ANKS1B: variants seen among roughly 807,000 people sequenced by gnomAD.
ANKS1B encodes ankyrin repeat and sterile alpha motif domain containing 1B.
A neutral mutation model predicts 148.3 loss-of-function variants in ANKS1B; 36 were observed. The observed-to-expected ratio is 0.24, with a 90% confidence interval of 0.19 to 0.32. The LOEUF (loss-of-function observed/expected upper bound fraction) is 0.32, where lower values mean the gene tolerates loss of function less well. ANKS1B is among the 10% of genes least tolerant of loss of function. ANKS1B has a pLI of 1.00. For synonymous variants in ANKS1B, 542 were observed against 560.8 expected, an observed-to-expected ratio of 0.97 and a Z score of 0.47; for missense variants, 1,157 against 1,542.6, an observed-to-expected ratio of 0.75 and a Z score of 4.19.
At chr12:99,743,353 G>A (rs75909239) in intron 8 of ANKS1B, among the ~76,000 whole-genome samples, 143 of 152,236 alleles carry the variant, frequency 9.4e-4, no homozygotes, top group African/African-American at 3.4e-3. Context: ...ATAATCTAAT[G>A]TAGTCTATTT....
At chr12:98,781,994 G>C (rs1168433308) in intron 23 of ANKS1B, 132 bp downstream of exon 23, 2 of 766,556 alleles carry the variant, frequency 2.6e-6, no homozygotes, top group East Asian at 5.4e-5. Context: ...TCTGCAAAAA[G>C]TTTCTCTATA....
intron 12 of ANKS1B, among the ~76,000 whole-genome samples, chr12:99,299,622 C>A (rs2081344163): frequency 6.6e-6 from 1 of 152,102 alleles, no homozygotes; most frequent in Non-Finnish European, 1.5e-5. Flanking sequence ...AACTATAACA[C>A]CTTAACTTTC....
intron 8 of ANKS1B, among the ~76,000 whole-genome samples, chr12:99,761,205 C>T (rs1301257464): frequency 2.7e-5 from 4 of 150,728 alleles, no homozygotes; most frequent in South Asian, 2.1e-4. Flanking sequence ...CTCATGAAGC[C>T]GCCATCATCC....
chr12:99,395,013 C>A (rs2094199276), intron 12 of ANKS1B, among the ~76,000 whole-genome samples: 1 of 152,070 alleles, frequency 6.6e-6, no homozygotes, highest in Non-Finnish European at 1.5e-5. Context: ...ATCCTTAATT[C>A]TTCTCATTTT....
At chr12:98,776,631 G>C (rs111510825) in intron 24 of ANKS1B, among the ~76,000 whole-genome samples, 2,784 of 152,306 alleles carry the variant, frequency 0.018, 117 homozygotes, top group Admixed American at 0.084. Context: ...GGCGCGTGGT[G>C]ATGAAGTGAT....
intron 15 of ANKS1B, among the ~76,000 whole-genome samples, chr12:99,150,304 C>T (rs2074481275): frequency 6.6e-6 from 1 of 152,152 alleles, no homozygotes; most frequent in Non-Finnish European, 1.5e-5. Flanking sequence ...AGCTTTCAGT[C>T]TAATTGGGGA....
At chr12:99,843,369 A>C (rs574825229) in intron 1 of ANKS1B, among the ~76,000 whole-genome samples, 1 of 152,138 alleles carries the variant, frequency 6.6e-6, no homozygotes, top group East Asian at 1.9e-4. Flanking sequence ...TATTAAGCCC[A>C]GCATCCATTA....
At chr12:99,958,664 T>C (rs1316548379) in intron 1 of ANKS1B, among the ~76,000 whole-genome samples, 1 of 152,126 alleles carries the variant, frequency 6.6e-6, no homozygotes, top group Non-Finnish European at 1.5e-5. Flanking sequence ...GGATTACAGA[T>C]GTAAGCCACT....
chr12:99,443,329 A>C (rs1055451999), intron 11 of ANKS1B, among the ~76,000 whole-genome samples: 1 of 152,106 alleles, frequency 6.6e-6, no homozygotes, highest in East Asian at 1.9e-4. Flanking sequence ...AGAAGAATGA[A>C]GACAAAAGGA....
At chr12:99,298,159 A>T (rs1602557472) in intron 12 of ANKS1B, among the ~76,000 whole-genome samples, 1 of 152,226 alleles carries the variant, frequency 6.6e-6, no homozygotes, top group East Asian at 1.9e-4. Context: ...TATAACAACT[A>T]ATAATTCATG....
intron 1 of ANKS1B, among the ~76,000 whole-genome samples, chr12:99,920,570 T>C (rs2094321205): frequency 6.6e-6 from 1 of 151,984 alleles, no homozygotes; most frequent in Non-Finnish European, 1.5e-5. Flanking sequence ...AGTCCACCAA[T>C]GATTAATTCA....
At chr12:99,469,690 G>C (rs1459642152) in intron 10 of ANKS1B, among the ~76,000 whole-genome samples, 1 of 152,086 alleles carries the variant, frequency 6.6e-6, no homozygotes, top group Non-Finnish European at 1.5e-5. Context: ...AAATACTGAT[G>C]AGAACAAAAT....
intron 10 of ANKS1B, among the ~76,000 whole-genome samples, chr12:99,471,112 C>T (rs1511963): frequency 0.18 from 27,931 of 151,938 alleles, 2,678 homozygotes; most frequent in Middle Eastern, 0.24. Flanking sequence ...AAAATGACAA[C>T]CAAAAGTATA....
chr12:99,562,923 C>A (rs534287375), intron 9 of ANKS1B, among the ~76,000 whole-genome samples: 1 of 152,232 alleles, frequency 6.6e-6, no homozygotes. Flanking sequence ...TCTGCAGCTT[C>A]TCCATCAATA....
intron 1 of ANKS1B, among the ~76,000 whole-genome samples, chr12:99,901,237 CAAG>C (rs2093589252): frequency 6.6e-6 from 1 of 151,926 alleles, no homozygotes. Flanking sequence ...TCATTTATAC[CAAG>C]AAGGAAGAAA....
intron 12 of ANKS1B, among the ~76,000 whole-genome samples, chr12:99,378,919 A>G (rs1459966017): frequency 6.6e-6 from 1 of 152,194 alleles, no homozygotes; most frequent in Non-Finnish European, 1.5e-5. Context: ...GCTGGACTTC[A>G]GAATTTCTAT....
chr12:99,756,974 T>C (rs1017489876), intron 8 of ANKS1B, among the ~76,000 whole-genome samples: 43 of 126,418 alleles, frequency 3.4e-4, no homozygotes, highest in African/African-American at 1.2e-3. Flanking sequence ...TTAAATGTAA[T>C]ACCCAAAACT....
chr12:99,476,254 A>T (rs189946950), intron 10 of ANKS1B, among the ~76,000 whole-genome samples: 5 of 152,116 alleles, frequency 3.3e-5, no homozygotes, highest in African/African-American at 1.2e-4. Context: ...TTAGCTACAC[A>T]TGGTGGCACA....
intron 17 of ANKS1B, among the ~76,000 whole-genome samples, chr12:98,925,511 T>A (rs1046228067): frequency 2.0e-5 from 3 of 152,174 alleles, no homozygotes; most frequent in African/African-American, 7.2e-5. Flanking sequence ...AATCAACTTC[T>A]TAAGAATTTG....
Sources: allele counts gnomAD v4.1 joint callset (sites outside exome capture counted in the v4.1 genomes callset), GRCh38; gene constraint gnomAD v4.1.1; transcripts MANE v1.5; gene names NCBI Gene and HGNC (gene_info 2026-07-23, HGNC 2026-07-21).